ADAM23: variants seen among roughly 807,000 people sequenced by gnomAD.
ADAM23 encodes the protein ADAM metallopeptidase domain 23.
In ADAM23, 33 loss-of-function variants were observed where a neutral mutation model predicts 120.1. That is an observed-to-expected ratio of 0.27 (90% CI 0.21 to 0.37). ADAM23 has a LOEUF of 0.37. ADAM23 is among the 10% of genes least tolerant of loss of function. ADAM23 has a pLI of 1.00. For synonymous variants in ADAM23, 367 were observed against 375.2 expected (o/e 0.98, Z 0.25); for missense variants, 862 against 1,058.2 (o/e 0.81, Z 2.57).
At chr2:206,600,802 A>G (rs1685387862) in intron 24 of ADAM23, among the ~76,000 whole-genome samples, 1 of 152,130 alleles carries the variant, frequency 6.6e-6, no homozygotes, top group African/African-American at 2.4e-5. Flanking sequence ...CTCAAACCAA[A>G]CTATTGAAAG....
intron 24 of ADAM23, among the ~76,000 whole-genome samples, chr2:206,604,451 T>C (rs1306140092): frequency 6.6e-6 from 1 of 152,120 alleles, no homozygotes; most frequent in Non-Finnish European, 1.5e-5. Flanking sequence ...AGTTCTAATG[T>C]ATTGTCATAG....
intron 4 of ADAM23, among the ~76,000 whole-genome samples, chr2:206,536,091 A>T (rs574291675): frequency 2.0e-4 from 30 of 152,340 alleles, no homozygotes; most frequent in Non-Finnish European, 3.8e-4. Flanking sequence ...ATGCTCATGA[A>T]TAAGCCATTC....
At chr2:206,477,910 A>ATATATATATATG (rs1695815723) in intron 2 of ADAM23, among the ~76,000 whole-genome samples, 1 of 143,104 alleles carries the variant, frequency 7.0e-6, no homozygotes, top group African/African-American at 2.6e-5. Flanking sequence ...ATATATATAT[A>ATATATATATATG]TATATATATA....
intron 9 of ADAM23, among the ~76,000 whole-genome samples, chr2:206,550,998 G>T (rs557567090): frequency 6.6e-6 from 1 of 152,270 alleles, no homozygotes; most frequent in East Asian, 1.9e-4. Context: ...ACACTTAAAA[G>T]ATATATGAAA....
rs1037703646 is a variant in ADAM23, at chr2:206,604,774, T to C, written c.2360-5136T>C. Among the ~76,000 whole-genome samples, 5 of 152,246 alleles carry C rather than the reference T, an allele frequency of 3.3e-5. No individual in the cohort carries two copies. In the South Asian group the frequency reaches 6.2e-4, roughly 19 times the overall value. ...CTTAAAAAATGGTGGCTTTGAGTCG[T>C]GGATCTTTGTTTCGTTTCACTGTCT... On this transcript the variant is annotated intron_variant, in intron 24 of 25. Coordinates refer to ENST00000264377, the MANE Select transcript of ADAM23 (RefSeq NM_003812.4).
intron 3 of ADAM23, among the ~76,000 whole-genome samples, chr2:206,517,416 A>G (rs3770972): frequency 6.6e-6 from 1 of 151,944 alleles, no homozygotes; most frequent in African/African-American, 2.4e-5. Flanking sequence ...ATGGTGTGCC[A>G]TCTTGTTTTT....
intron 3 of ADAM23, among the ~76,000 whole-genome samples, chr2:206,523,158 T>C (rs1298827674): frequency 6.6e-6 from 1 of 152,182 alleles, no homozygotes; most frequent in Non-Finnish European, 1.5e-5. Flanking sequence ...CAGGCCTGCC[T>C]ATGTTTCCTG....
At chr2:206,572,641 A>G (rs72956630) in intron 17 of ADAM23, among the ~76,000 whole-genome samples, 7,810 of 152,294 alleles carry the variant, frequency 0.051, 297 homozygotes, top group Middle Eastern at 0.12. Context: ...ATTCCCTGGC[A>G]TTACTAAAGG....
chr2:206,596,222 C>A, intron 24 of ADAM23, 60 bp downstream of exon 24: 1 of 1,267,560 alleles, frequency 7.9e-7, no homozygotes. Context: ...TGTTCCAATG[C>A]ACCAGTATAA....
At chr2:206,497,653 G>A (rs890068298) in intron 3 of ADAM23, among the ~76,000 whole-genome samples, 1 of 152,108 alleles carries the variant, frequency 6.6e-6, no homozygotes. Context: ...TTCTGACCAG[G>A]GCAGTCAGGC....
Position 206,443,886 on chromosome 2 carries a change from G to C in ADAM23, c.20G>C (p.Ser7Thr), listed in dbSNP as rs1402867630. 3 of 1,161,224 alleles carry C rather than the reference G, an allele frequency of 2.6e-6. No homozygotes were observed. In the African/African-American group the frequency reaches 4.9e-5, roughly 19 times the overall value. 71.9% of individuals were successfully genotyped at this position (1,161,224 alleles called of 1,614,324 possible). Residue 7 changes from serine to threonine, a missense_variant, in exon 1 of 26, where the codon AGC becomes ACC. Around this residue, in one of 4 missense-constraint regions of ADAM23, gnomAD observed 225 missense variants for 204.0 expected, o/e 1.10. Transcript: ENST00000264377. MKPPGS[S>T]SRQPPLAGCS... Reference sequence around the variant, plus strand: ...TGAGCCATGAAGCCGCCCGGCAGCAGCTCGCGGCAGCCGCCCCTGGCGGGC... The same window carrying C: ...TGAGCCATGAAGCCGCCCGGCAGCACCTCGCGGCAGCCGCCCCTGGCGGGC...
chr2:206,572,828 T>C (rs991035444), intron 17 of ADAM23, among the ~76,000 whole-genome samples: 10 of 152,342 alleles, frequency 6.6e-5, no homozygotes, highest in Middle Eastern at 6.8e-3. Flanking sequence ...CAGAATTTCT[T>C]CTTTAGGTGA....
At chr2:206,464,699 T>G (rs1162409465) in intron 2 of ADAM23, among the ~76,000 whole-genome samples, 2 of 152,064 alleles carry the variant, frequency 1.3e-5, no homozygotes, top group African/African-American at 4.8e-5. Flanking sequence ...ACCAGTTTGC[T>G]CCCCGCTGCC....
chr2:206,574,677 G>A (rs1698076898), intron 18 of ADAM23, among the ~76,000 whole-genome samples: 1 of 152,102 alleles, frequency 6.6e-6, no homozygotes, highest in Non-Finnish European at 1.5e-5. Context: ...GGGATTGGGA[G>A]CAGAAGTCCA....
At chr2:206,483,126 CT>C (rs1455044701) in intron 3 of ADAM23, among the ~76,000 whole-genome samples, 1 of 152,148 alleles carries the variant, frequency 6.6e-6, no homozygotes, top group Non-Finnish European at 1.5e-5. Context: ...TCAGGAAGTG[CT>C]AAGAGGCGTG....
rs1229329425 is a variant in ADAM23, at chr2:206,444,007, T to G, written c.141T>G (p.Leu47=). Residue 47 remains leucine, a synonymous_variant, in exon 1 of 26, where the codon CTT becomes CTG. Coordinates refer to ENST00000264377, the MANE Select transcript of ADAM23 (RefSeq NM_003812.4). Reference sequence around the variant, plus strand: ...CCCGCACGCCGCCCTGCCGCCTGCTTCTCGTCCTTCTCCTGCTGCCTCCGC... The same window carrying G: ...CCCGCACGCCGCCCTGCCGCCTGCTGCTCGTCCTTCTCCTGCTGCCTCCGC... The part of the protein sequence containing the change: ...APARTPPCRL[L]LVLLLLPPLA... The G allele has an allele frequency of 1.4e-6, 2 of 1,407,936 alleles. No individual in the cohort carries two copies. Among genetic ancestry groups the G allele is most frequent in the Non-Finnish European group, 1.9e-6 (2 of 1,077,478 alleles). 87.2% of individuals were successfully genotyped at this position (1,407,936 alleles called of 1,614,324 possible). A position where few individuals can be genotyped will look rare whatever the true frequency, so the allele number is the denominator to read the frequency against.
chr2:206,587,442 T>A, intron 19 of ADAM23, 67 bp downstream of exon 19: 1 of 1,264,514 alleles, frequency 7.9e-7, no homozygotes, highest in East Asian at 2.4e-5. Context: ...TTTTTCCTTT[T>A]TTGATAAATA....
chr2:206,549,257 A>C (rs1697463558), intron 8 of ADAM23, among the ~76,000 whole-genome samples: 1 of 151,266 alleles, frequency 6.6e-6, no homozygotes, highest in African/African-American at 2.4e-5. Context: ...ATAATTATGG[A>C]TACATTTATT....
intron 3 of ADAM23, among the ~76,000 whole-genome samples, chr2:206,494,832 C>T (rs535846704): frequency 3.0e-4 from 45 of 152,084 alleles, no homozygotes; most frequent in African/African-American, 7.0e-4. Context: ...AACCATGGCA[C>T]GAGAACTATG....
Sources: gnomAD v4.1 joint callset for allele counts (sites outside exome capture counted in the v4.1 genomes callset) on GRCh38, gnomAD v4.1.1 for gene constraint, gnomAD v4.1.1 regional missense constraint, MANE v1.5 for transcripts, NCBI Gene and HGNC (gene_info 2026-07-23, HGNC 2026-07-21) for gene names.